Variants in IL17B observed in about 807,000 individuals in gnomAD.
The protein encoded by IL17B is interleukin 17B.
IL17B carries 14 observed loss-of-function variants against 14.7 expected under a neutral mutation model. The ratio of observed to expected loss-of-function variants is 0.95; its 90% CI spans 0.63 to 1.49. The LOEUF (loss-of-function observed/expected upper bound fraction) is 1.49. IL17B is among the 40% of genes most tolerant of loss of function. The pLI is 0.00. For synonymous variants in IL17B, 105 were observed against 94.8 expected, an observed-to-expected ratio of 1.11 and a Z score of -0.62; for missense variants, 233 against 252.8, an observed-to-expected ratio of 0.92 and a Z score of 0.53.
At chr5:149,383,636 C>A (rs564344915), upstream of IL17B, among the ~76,000 whole-genome samples, 1 of 152,296 alleles carries the variant, frequency 6.6e-6, no homozygotes, top group East Asian at 1.9e-4. Context: ...AGAGCCCCAG[C>A]CAAGAGGTGC....
At chr5:149,404,096 A>T (rs933205794) in intron 1 of IL17B, 2 of 152,264 alleles carry the variant, frequency 1.3e-5, no homozygotes, top group Admixed American at 6.5e-5. Flanking sequence ...AAGAAGCCTT[A>T]CTCACACATA....
chr5:149,386,094 C>G (rs1758822341), intron 1 of IL17B, among the ~76,000 whole-genome samples: 1 of 152,178 alleles, frequency 6.6e-6, no homozygotes, highest in South Asian at 2.1e-4. Flanking sequence ...TGCATATTGG[C>G]CTCTGTTGTT....
chr5:149,396,893 T>G (rs1034621807), intron 1 of IL17B, among the ~76,000 whole-genome samples: 1 of 152,244 alleles, frequency 6.6e-6, no homozygotes, highest in African/African-American at 2.4e-5. Context: ...ACTCTTCTCA[T>G]TCTCTGACGA....
At chr5:149,399,016 A>G (rs1759155477) in intron 1 of IL17B, among the ~76,000 whole-genome samples, 1 of 152,234 alleles carries the variant, frequency 6.6e-6, no homozygotes, top group Non-Finnish European at 1.5e-5. Context: ...GTGCTTGTCT[A>G]GGGAAACTCC....
intron 1 of IL17B, among the ~76,000 whole-genome samples, chr5:149,395,935 GAGTACTGGGATTACA>G (rs1440510658): frequency 7.2e-5 from 11 of 152,178 alleles, no homozygotes; most frequent in Non-Finnish European, 1.2e-4. Context: ...GGCTTCCCCA[GAGTACTGGGATTACA>G]AGTACTGGGA....
upstream of IL17B, among the ~76,000 whole-genome samples, chr5:149,383,910 G>A (rs1758763828): frequency 6.6e-6 from 1 of 152,230 alleles, no homozygotes; most frequent in South Asian, 2.1e-4. Context: ...CCTCTCTTCT[G>A]CAGAGCATCC....
At chr5:149,391,758 C>T (rs147612522) in intron 1 of IL17B, among the ~76,000 whole-genome samples, 2 of 152,170 alleles carry the variant, frequency 1.3e-5, no homozygotes, top group East Asian at 1.9e-4. Context: ...TGGAGGACGG[C>T]GACTGGCCGG....
upstream of IL17B, among the ~76,000 whole-genome samples, chr5:149,381,015 C>A (rs1758682252): frequency 6.6e-6 from 1 of 152,018 alleles, no homozygotes. Flanking sequence ...GCCCCACTGG[C>A]CGGGCGGCCT....
At chr5:149,378,584 C>G (rs1758606683) in intron 1 of IL17B, among the ~76,000 whole-genome samples, 1 of 152,260 alleles carries the variant, frequency 6.6e-6, no homozygotes, top group South Asian at 2.1e-4. Flanking sequence ...TGGCCCATGC[C>G]TGCTTTATCC....
At chr5:149,396,349 ACAGT>A (rs1237897437) in intron 1 of IL17B, among the ~76,000 whole-genome samples, 2 of 151,884 alleles carry the variant, frequency 1.3e-5, no homozygotes, top group Non-Finnish European at 2.9e-5. Flanking sequence ...TTTTAAAAAA[ACAGT>A]CAGGACATTT....
chr5:149,378,126 A>G (rs1758594826), intron 1 of IL17B, among the ~76,000 whole-genome samples: 1 of 152,208 alleles, frequency 6.6e-6, no homozygotes. Context: ...CCTGGGCGAC[A>G]GAGCGAGACT....
intron 2 of IL17B, among the ~76,000 whole-genome samples, chr5:149,376,277 C>A (rs1018859500): frequency 6.6e-6 from 1 of 152,196 alleles, no homozygotes; most frequent in African/African-American, 2.4e-5. Context: ...TGGGCCTCAC[C>A]GCTGGAGGTT....
chr5:149,378,457 G>C (rs1167976841), intron 1 of IL17B, among the ~76,000 whole-genome samples: 2 of 152,164 alleles, frequency 1.3e-5, no homozygotes, highest in African/African-American at 4.8e-5. Flanking sequence ...CAGAGAGAAG[G>C]GACAGTGCCT....
chr5:149,385,961 GGGGGCTCATGGGTGGCA>G (rs2127619886), intron 1 of IL17B, among the ~76,000 whole-genome samples: 2 of 152,314 alleles, frequency 1.3e-5, no homozygotes, highest in South Asian at 4.1e-4. Flanking sequence ...GAGGAGTCCT[GGGGGCTCATGGGTGGCA>G]GGGGCTCATG....
intron 1 of IL17B, among the ~76,000 whole-genome samples, chr5:149,403,379 C>T (rs1759253937): frequency 3.3e-5 from 5 of 152,152 alleles, no homozygotes; most frequent in Admixed American, 3.3e-4. Context: ...AGCCACCACG[C>T]CTAGCCATGT....
In IL17B at chr5:149,376,939, C is replaced by T. The variant is rs780279347; in HGVS notation, c.108G>A (p.Gly36=). 6 of 1,612,928 alleles carry T rather than the reference C, an allele frequency of 3.7e-6. No individual in the cohort carries two copies. In the East Asian group the frequency reaches 6.7e-5, roughly 18 times the overall value. Residue 36 remains glycine, a synonymous_variant, in exon 2 of 3, where the codon GGG becomes GGA. Coordinates refer to ENST00000261796, the MANE Select transcript of IL17B (RefSeq NM_014443.3). ...CCTGGTGAGGGCCAGGGGCCAGGGG[C>T]CCAGGCCGCCCTTGCCCCTTCCTCT... ...KSKRKGQGRP[G]PLAPGPHQVP... is the part of the protein sequence containing the mutation.
intron 1 of IL17B, among the ~76,000 whole-genome samples, chr5:149,398,520 G>C (rs1759142124): frequency 6.6e-6 from 1 of 152,200 alleles, no homozygotes; most frequent in African/African-American, 2.4e-5. Context: ...TGATGGAGGA[G>C]GGCAGACCCA....
rs1181840239 is a variant in IL17B, at chr5:149,403,508, CA to C, written n.95+599del. Among the ~76,000 whole-genome samples, 21 of 151,436 alleles carry C rather than the reference CA, an allele frequency of 1.4e-4. No individual in the cohort carries two copies. The East Asian group carries it at 4.1e-3, about 29-fold the overall frequency. On this transcript the variant is annotated intron_variant and non_coding_transcript_variant, in intron 1 of 2. Transcript: ENST00000505432. Reference sequence around the variant, plus strand: ...ACCTCCCACATACCAACTCTACCAACAAAAAAAAAGTTTTATGTTCATTGAA... The same window carrying C: ...ACCTCCCACATACCAACTCTACCAACAAAAAAAAGTTTTATGTTCATTGAA...
At chr5:149,394,681 TTTCACAATCA>T (rs1206157509) in intron 1 of IL17B, among the ~76,000 whole-genome samples, 1 of 152,228 alleles carries the variant, frequency 6.6e-6, no homozygotes. Flanking sequence ...GCTGGCCAAC[TTTCACAATCA>T]TTCACTATAT....
Sources: allele counts gnomAD v4.1 joint callset (sites outside exome capture counted in the v4.1 genomes callset), GRCh38; gene constraint gnomAD v4.1.1; transcripts MANE v1.5; gene names NCBI Gene and HGNC (gene_info 2026-07-23, HGNC 2026-07-21).